DEPDC4: variants seen among roughly 807,000 people sequenced by gnomAD.
DEPDC4 encodes the protein DEP domain-containing protein 4.
A neutral mutation model predicts 52.0 loss-of-function variants in DEPDC4; 52 were observed. The ratio of observed to expected loss-of-function variants is 1.00; its 90% CI spans 0.80 to 1.26. The LOEUF (loss-of-function observed/expected upper bound fraction) is 1.26. Ranked by LOEUF, DEPDC4 falls within the 50% of genes most tolerant of loss-of-function variation. DEPDC4 has a pLI of 0.00. For missense variants in DEPDC4, 530 were observed against 546.9 expected, an observed-to-expected ratio of 0.97 and a Z score of 0.31; for synonymous variants, 201 against 196.8, an observed-to-expected ratio of 1.02 and a Z score of -0.18.
chr12:100,262,014 C>G (rs540541314), intron 3 of DEPDC4, among the ~76,000 whole-genome samples: 2 of 152,234 alleles, frequency 1.3e-5, no homozygotes, highest in African/African-American at 2.4e-5. Context: ...CAAGGCTGAG[C>G]CTTAATGTAA....
chr12:100,267,064 C>A lies in DEPDC4; in HGVS notation c.13G>T (p.Glu5Ter), dbSNP rs138334644. The A allele has an allele frequency of 1.5e-5, 24 of 1,613,242 alleles. No homozygotes were observed. The highest frequency in any genetic ancestry group is 8.0e-5 in the African/African-American group (6 of 74,928). MVPG[E>*]EPARELMAVL... ...GCCATAAGCTCGCGCGCTGGCTCCT[C>A]CCCTGGCACCATAGCCCCGCCCCAC... Residue 5 changes from glutamate to a stop codon, truncating the protein, a stop_gained, in exon 1 of 10, where the codon GAG becomes TAG. Transcript: ENST00000550587. LOFTEE classifies it high-confidence loss of function.
chr12:100,275,196 A>G, the DEPDC4 span, among the ~76,000 whole-genome samples: 4 of 151,768 alleles, frequency 2.6e-5, no homozygotes, highest in Non-Finnish European at 1.5e-5. Context: ...TAGAAATGCA[A>G]TTTCTTTTTT....
upstream of DEPDC4, chr12:100,267,356 G>T (rs543846144): frequency 6.0e-6 from 2 of 334,970 alleles, no homozygotes; most frequent in Admixed American, 9.9e-5. Flanking sequence ...GGGGGCGGGG[G>T]GAAAGAGCCC....
intron 3 of DEPDC4, among the ~76,000 whole-genome samples, chr12:100,257,988 G>C (rs2153915045): frequency 1.1e-5 from 1 of 89,444 alleles, no homozygotes; most frequent in Non-Finnish European, 2.6e-5. Flanking sequence ...TAGATAGATA[G>C]ATAGATAGAT....
At chr12:100,236,725 C>T (rs545007054), downstream of DEPDC4, among the ~76,000 whole-genome samples, 5 of 152,072 alleles carry the variant, frequency 3.3e-5, no homozygotes, top group South Asian at 1.0e-3. Flanking sequence ...ATTGTATTTG[C>T]TTTTGGGTTC....
rs115146733 is a variant in DEPDC4 at position 100,251,590 on chromosome 12, C to T, written c.1374+586G>A. 5.6e-3 allele frequency among the ~76,000 whole-genome samples: 846 copies of T among 150,004 alleles called. 7 individuals are homozygous for T. Among genetic ancestry groups the T allele is most frequent in the African/African-American group, 0.02 (800 of 40,808 alleles). On this transcript the variant is annotated intron_variant, in intron 7 of 9. Coordinates refer to ENST00000550587, the MANE Select transcript of DEPDC4 (RefSeq NM_001364818.2). ...CCCTGGCATTTTTTTTTTTTTGAGG[C>T]GGAATCTTGCTCTGTTGCCCAGGCT...
At chr12:100,266,031 T>A (rs1206855574) in intron 1 of DEPDC4, among the ~76,000 whole-genome samples, 1 of 152,126 alleles carries the variant, frequency 6.6e-6, no homozygotes, top group Admixed American at 6.5e-5. Flanking sequence ...TAGTTCGCAG[T>A]CATTCTTCAT....
At chr12:100,256,638 GTTTT>G (rs1298534553) in intron 3 of DEPDC4, among the ~76,000 whole-genome samples, 5 of 130,040 alleles carry the variant, frequency 3.8e-5, no homozygotes, top group Non-Finnish European at 6.9e-5. Flanking sequence ...TTTGTTTTGT[GTTTT>G]TTGTTTTTTT....
At chr12:100,280,545 C>G in the DEPDC4 span, among the ~76,000 whole-genome samples, 1 of 152,138 alleles carries the variant, frequency 6.6e-6, no homozygotes, top group Non-Finnish European at 1.5e-5. Context: ...CTTTCTTCAA[C>G]TAAAGATGTC....
chr12:100,280,849 A>C, the DEPDC4 span, among the ~76,000 whole-genome samples: 4 of 152,144 alleles, frequency 2.6e-5, no homozygotes, highest in African/African-American at 9.7e-5. Flanking sequence ...CATTTAGGAT[A>C]AATATTCAAC....
At position 100,253,714 on chromosome 12, in the gene DEPDC4, T is replaced by C; in HGVS notation, c.880A>G (p.Ile294Val). 1 of 1,283,310 alleles carries C rather than the reference T, an allele frequency of 7.8e-7. No homozygotes were observed. Among genetic ancestry groups the C allele is most frequent in the South Asian group, 1.2e-5 (1 of 80,074 alleles). 79.5% of individuals were successfully genotyped at this position (1,283,310 alleles called of 1,614,324 possible). ...ELIPSLCLPEIDNWLNAAIEC... is the reference protein window; with the variant it reads ...ELIPSLCLPEVDNWLNAAIEC... ...ATTGCTGCATTAAGCCAGTTATCGATTCTAGAGGGAAAATGCAAACCAAAA... is the reference window on the plus strand; with the variant it reads ...ATTGCTGCATTAAGCCAGTTATCGACTCTAGAGGGAAAATGCAAACCAAAA... The change falls in exon 5 of 10, where the codon ATC becomes GTC. Residue 294 changes from isoleucine to valine, a missense_variant and splice_region_variant. By Grantham distance (29) the Ile-to-Val change is conservative (BLOSUM62 3). Coordinates refer to ENST00000550587, the MANE Select transcript of DEPDC4 (RefSeq NM_001364818.2).
the DEPDC4 span, among the ~76,000 whole-genome samples, chr12:100,272,332 C>G: frequency 1.3e-5 from 2 of 152,208 alleles, no homozygotes; most frequent in East Asian, 1.9e-4. Context: ...TATTTGGACT[C>G]TTAGGTTTCT....
intron 1 of DEPDC4, among the ~76,000 whole-genome samples, chr12:100,265,551 C>T (rs544700695): frequency 2.9e-4 from 44 of 151,884 alleles, no homozygotes; most frequent in Non-Finnish European, 5.1e-4. Context: ...GCCGAGATCA[C>T]GCCATTGCAC....
intron 4 of DEPDC4, 106 bp from the exon 5 acceptor site, chr12:100,253,821 A>C: frequency 2.0e-6 from 1 of 508,852 alleles, no homozygotes; most frequent in Non-Finnish European, 3.1e-6. Flanking sequence ...AAGCTAGATA[A>C]ATCTAAAGAA....
downstream of DEPDC4, among the ~76,000 whole-genome samples, chr12:100,238,632 C>T (rs1261174851): frequency 6.6e-6 from 1 of 150,804 alleles, no homozygotes; most frequent in Non-Finnish European, 1.5e-5. Flanking sequence ...ACTATAGGCA[C>T]CCACCACTGT....
At chr12:100,234,374 A>T (rs990854062) in intron 9 of DEPDC4, among the ~76,000 whole-genome samples, 1 of 152,168 alleles carries the variant, frequency 6.6e-6, no homozygotes, top group East Asian at 1.9e-4. Context: ...CCTCAAGGGT[A>T]AGGGAGATTC....
rs1395701027 is a variant in DEPDC4, at chr12:100,256,098, T to C, written c.829A>G (p.Thr277Ala). ...QLNKEEDLVI[T>A]NTCLDRELIP... ...AGTTCTCTGTCTAGGCAAGTGTTAGTGATAACAAGATCTTCCTCTTTGTTT... is the reference window on the plus strand; with the variant it reads ...AGTTCTCTGTCTAGGCAAGTGTTAGCGATAACAAGATCTTCCTCTTTGTTT... Residue 277 changes from threonine to alanine, a missense_variant, in exon 4 of 10, where the codon ACT becomes GCT. Transcript: ENST00000550587. 1.2e-6 allele frequency: 2 copies of C among 1,613,124 alleles called. No individual in the cohort carries two copies. The highest frequency in any genetic ancestry group is 2.7e-5 in the African/African-American group (2 of 74,918).
upstream of DEPDC4, among the ~76,000 whole-genome samples, chr12:100,268,769 C>A (rs2096283344): frequency 6.6e-6 from 1 of 152,178 alleles, no homozygotes; most frequent in Non-Finnish European, 1.5e-5. Context: ...CCTTCCCCCA[C>A]CCCAAGAAGA....
At chr12:100,247,844 T>C (rs1397898050) in intron 8 of DEPDC4, among the ~76,000 whole-genome samples, 1 of 152,206 alleles carries the variant, frequency 6.6e-6, no homozygotes, top group East Asian at 1.9e-4. Flanking sequence ...AGTACACTTA[T>C]GCCCTCCTCT....
Sources: allele counts gnomAD v4.1 joint callset (sites outside exome capture counted in the v4.1 genomes callset), GRCh38; gene constraint gnomAD v4.1.1; transcripts MANE v1.5; gene names NCBI Gene and HGNC (gene_info 2026-07-23, HGNC 2026-07-21).